Variants in HIVEP1 observed in about 807,000 individuals in gnomAD.
HIVEP1 encodes zinc finger protein 40.
A neutral mutation model predicts 180.0 loss-of-function variants in HIVEP1; 36 were observed. The ratio of observed to expected loss-of-function variants is 0.20; its 90% confidence interval spans 0.15 to 0.26. The LOEUF is 0.26. Ranked by LOEUF, HIVEP1 falls within the 10% of genes least tolerant of loss-of-function variation. HIVEP1 has a pLI of 1.00. For missense variants in HIVEP1, 3,143 were observed against 3,268.7 expected, an observed-to-expected ratio of 0.96 and a Z score of 0.94; for synonymous variants, 1,239 against 1,239.0, an observed-to-expected ratio of 1.00 and a Z score of 0.00.
At chr6:12,205,567 G>C in the HIVEP1 span, among the ~76,000 whole-genome samples, 1 of 152,118 alleles carries the variant, frequency 6.6e-6, no homozygotes, top group Non-Finnish European at 1.5e-5. Context: ...TACTATTTTG[G>C]AATTATGCCT....
At chr6:12,057,607 T>A (rs1344956701) in intron 2 of HIVEP1, among the ~76,000 whole-genome samples, 1 of 152,336 alleles carries the variant, frequency 6.6e-6, no homozygotes, top group African/African-American at 2.4e-5. Flanking sequence ...GACTGTGTTA[T>A]AGTCTCATGA....
intron 3 of HIVEP1, among the ~76,000 whole-genome samples, chr6:12,117,158 T>G (rs1449671045): frequency 6.6e-6 from 1 of 152,136 alleles, no homozygotes; most frequent in Non-Finnish European, 1.5e-5. Flanking sequence ...AAAACGTATA[T>G]GAAGATATCA....
At chr6:12,031,908 GTCC>G (rs1768971978) in intron 2 of HIVEP1, among the ~76,000 whole-genome samples, 1 of 152,158 alleles carries the variant, frequency 6.6e-6, no homozygotes, top group Non-Finnish European at 1.5e-5. Context: ...GGACCATGCT[GTCC>G]TCCTGCAGCA....
At chr6:12,015,289 G>A (rs1472007886) in intron 1 of HIVEP1, among the ~76,000 whole-genome samples, 1 of 152,084 alleles carries the variant, frequency 6.6e-6, no homozygotes, top group East Asian at 1.9e-4. Context: ...CACAAAGTGA[G>A]TTTTTTTACT....
chr6:12,081,261 A>G (rs1282559772), intron 2 of HIVEP1, among the ~76,000 whole-genome samples: 1 of 152,138 alleles, frequency 6.6e-6, no homozygotes, highest in Admixed American at 6.6e-5. Flanking sequence ...ATGGATTTCC[A>G]CATTCACAGA....
chr6:12,156,769 G>A (rs141032681), intron 7 of HIVEP1, among the ~76,000 whole-genome samples: 398 of 152,224 alleles, frequency 2.6e-3, no homozygotes, highest in Middle Eastern at 6.8e-3. Context: ...TCAGAATATG[G>A]TATGTACTGG....
the HIVEP1 span, among the ~76,000 whole-genome samples, chr6:12,211,943 G>T: frequency 6.6e-6 from 1 of 152,198 alleles, no homozygotes; most frequent in African/African-American, 2.4e-5. Flanking sequence ...GGGCAAGCAA[G>T]ATGATATATA....
In HIVEP1 at chr6:12,015,591, G is replaced by GT. The variant is rs769429452; in HGVS notation, c.-33dup. On this transcript the variant is annotated 5_prime_UTR_variant, in exon 2 of 9. The change abolishes the stop of an existing upstream ORF in the 5' untranslated region. Coordinates refer to ENST00000379388, the MANE Select transcript of HIVEP1 (RefSeq NM_002114.4). ...CTTTTGGTGGCTTGCTTTATCTGCA[G>GT]TTTTTAAGAAGAAAAAGAAGGCCCT... 6.3e-7 allele frequency: 1 copy of GT among 1,596,968 alleles called. No individual in the cohort carries two copies. Among genetic ancestry groups the GT allele is most frequent in the Non-Finnish European group, 8.6e-7 (1 of 1,167,446 alleles).
Position 12,124,143 on chromosome 6 carries a change from T to A in HIVEP1, c.4348T>A (p.Ser1450Thr), listed in dbSNP as rs1561972333. The A allele has an allele frequency of 1.9e-6, 3 of 1,614,094 alleles. No individual in the cohort carries two copies. The highest frequency in any genetic ancestry group is 2.5e-6 in the Non-Finnish European group (3 of 1,180,002). ...DSHLSPVHPT[S>T]FQNTALPSVN... ...TCATCTGTCTCCTGTACACCCAACATCTTTCCAAAATACTGCTCTTCCCAG... is the reference window on the plus strand; with the variant it reads ...TCATCTGTCTCCTGTACACCCAACAACTTTCCAAAATACTGCTCTTCCCAG... The change falls in exon 4 of 9, where the codon TCT becomes ACT. Residue 1450 changes from serine (S) to threonine (T), a missense_variant. Transcript: ENST00000379388.
chr6:12,051,016 A>ATG (rs1770492567), intron 2 of HIVEP1, among the ~76,000 whole-genome samples: 1 of 135,842 alleles, frequency 7.4e-6, no homozygotes, highest in Non-Finnish European at 1.6e-5. Flanking sequence ...ATATATATAT[A>ATG]TATATATATA....
Position 12,121,278 on chromosome 6 carries a change from A to G in HIVEP1, c.1483A>G (p.Ser495Gly). The G allele has an allele frequency of 6.2e-7, 1 of 1,614,146 alleles. No individual in the cohort carries two copies. Among genetic ancestry groups the G allele is most frequent in the Non-Finnish European group, 8.5e-7 (1 of 1,180,030 alleles). ...TTCAGACGTAGAAGACAGTGGGGAG[A>G]GCGAGGAGGAAGGCGCCACTGATGA... ...IHSDVEDSGE[S>G]EEEGATDERQ... is the part of the protein sequence containing the mutation. Residue 495 changes from serine to glycine, a missense_variant, in exon 4 of 9, where the codon AGC becomes GGC. Physicochemically the swap from Ser to Gly is moderately conservative, Grantham distance 56. Coordinates refer to ENST00000379388, the MANE Select transcript of HIVEP1 (RefSeq NM_002114.4). The surrounding 1 kb of genome is among the most constrained non-coding windows in gnomAD (Gnocchi z 5.3).
chr6:12,059,362 A>T (rs1302629300), intron 2 of HIVEP1, among the ~76,000 whole-genome samples: 4 of 151,828 alleles, frequency 2.6e-5, no homozygotes, highest in Non-Finnish European at 2.9e-5. Flanking sequence ...CTTATCCTAC[A>T]TTTTTTGGGG....
intron 2 of HIVEP1, among the ~76,000 whole-genome samples, chr6:12,069,588 G>C (rs1353335056): frequency 8.8e-6 from 1 of 114,138 alleles, no homozygotes; most frequent in Non-Finnish European, 1.7e-5. Flanking sequence ...GGGGGGAGGG[G>C]GGAGGGATAG....
rs1451459237 is a variant in HIVEP1, at chr6:12,058,226, GA to G, written c.41-30947del. ...CAGTGTCAATATTGCCAGTGATTTG[GA>G]AAAAAAAAAAGTGTAAAATTTATAT... On this transcript the variant is annotated intron_variant, in intron 2 of 8. Transcript: ENST00000379388. Among the ~76,000 whole-genome samples the G allele has an allele frequency of 2.5e-3, 361 of 144,696 alleles. 3 individuals carry two copies. Among genetic ancestry groups the G allele is most frequent in the Middle Eastern group, 3.4e-3 (1 of 292 alleles). The allele number at this position is 144,696 out of a possible 152,430, so 94.9% of individuals were successfully genotyped here. A position where few individuals can be genotyped will look rare whatever the true frequency, so the allele number is the denominator to read the frequency against.
At chr6:12,168,952 ATC>A (rs1342486154), downstream of HIVEP1, among the ~76,000 whole-genome samples, 2 of 149,686 alleles carry the variant, frequency 1.3e-5, no homozygotes, top group African/African-American at 2.4e-5. Context: ...CAGTGGCGCA[ATC>A]TCAGCTCAGT....
chr6:12,185,745 G>A, the HIVEP1 span, among the ~76,000 whole-genome samples: 1 of 152,188 alleles, frequency 6.6e-6, no homozygotes, highest in Non-Finnish European at 1.5e-5. Context: ...AGTGGCCTAT[G>A]TACCACTATA....
rs1760607510 is a variant in HIVEP1, at chr6:12,164,221, C to A, written c.7917C>A (p.Ala2639=). 6.2e-7 allele frequency: 1 copy of A among 1,614,160 alleles called. No homozygotes were observed. Among genetic ancestry groups the A allele is most frequent in the African/African-American group, 1.3e-5 (1 of 75,052 alleles). ...GTAAAATGGACACAGAGAAGGCTGC[C>A]TCGGCAAATCACGTGAAGCCCAAGC... ...GLSKMDTEKA[A]SANHVKPKPE... The change falls in exon 9 of 9, where the codon GCC becomes GCA. Residue 2639 remains alanine, a synonymous_variant. Transcript: ENST00000379388.
chr6:12,029,334 C>G (rs909885635), intron 2 of HIVEP1, among the ~76,000 whole-genome samples: 1 of 152,222 alleles, frequency 6.6e-6, no homozygotes, highest in African/African-American at 2.4e-5. Flanking sequence ...GCCACTGTTG[C>G]AGGTGTGTCT....
chr6:12,100,505 AT>A (rs1356658478), intron 3 of HIVEP1, among the ~76,000 whole-genome samples: 1 of 152,240 alleles, frequency 6.6e-6, no homozygotes, highest in Non-Finnish European at 1.5e-5. Flanking sequence ...AGAGACAGAC[AT>A]AACACTGACT....
Sources: gnomAD v4.1 joint callset for allele counts (sites outside exome capture counted in the v4.1 genomes callset) on GRCh38, gnomAD v4.1.1 for gene constraint, Gnocchi (gnomAD v3.1) non-coding constraint, MANE v1.5 for transcripts, NCBI Gene and HGNC (gene_info 2026-07-23, HGNC 2026-07-21) for gene names.